The following RAB3GAP2 variants were observed in gnomAD, a reference collection of about 807,000 sequenced individuals.
The protein encoded by RAB3GAP2 is RAB3 GTPase activating non-catalytic protein subunit 2.
Under a neutral mutation model 185.3 loss-of-function variants are expected in RAB3GAP2, and 87 were observed. The ratio of observed to expected loss-of-function variants is 0.47; its 90% CI spans 0.39 to 0.56. The LOEUF is 0.56. RAB3GAP2 is among the 20% of genes least tolerant of loss of function. RAB3GAP2 has a pLI of 0.00. For synonymous variants in RAB3GAP2, 554 were observed against 576.1 expected, an observed-to-expected ratio of 0.96 and a Z score of 0.55; for missense variants, 1,492 against 1,638.2, an observed-to-expected ratio of 0.91 and a Z score of 1.54.
chr1:220,215,337 T>C (rs1216306719), intron 2 of RAB3GAP2, among the ~76,000 whole-genome samples: 1 of 152,184 alleles, frequency 6.6e-6, no homozygotes, highest in African/African-American at 2.4e-5. Context: ...TCAGCAATTT[T>C]TGAAAGTGCT....
At chr1:220,161,477 C>T (rs1287970759) in intron 28 of RAB3GAP2, among the ~76,000 whole-genome samples, 3 of 152,168 alleles carry the variant, frequency 2.0e-5, no homozygotes, top group Admixed American at 6.5e-5. Flanking sequence ...CTGGTACTGT[C>T]GGCATGCTAG....
intron 8 of RAB3GAP2, 115 bp downstream of exon 8, chr1:220,205,792 T>C (rs1356100946): frequency 6.4e-6 from 5 of 786,590 alleles, no homozygotes; most frequent in African/African-American, 5.3e-5. Flanking sequence ...GTTTTTCCCA[T>C]AAATCTAGTT....
At chr1:220,264,649 A>T (rs1660198536) in intron 1 of RAB3GAP2, among the ~76,000 whole-genome samples, 1 of 152,086 alleles carries the variant, frequency 6.6e-6, no homozygotes, top group Non-Finnish European at 1.5e-5. Context: ...TCACCTCTGA[A>T]CACATCCCAC....
intron 1 of RAB3GAP2, among the ~76,000 whole-genome samples, chr1:220,235,310 T>C (rs1248182923): frequency 1.3e-5 from 2 of 152,172 alleles, no homozygotes; most frequent in African/African-American, 2.4e-5. Context: ...AATTTTTCCA[T>C]TGCACCAGAA....
At chr1:220,223,854 C>CA (rs1224958187) in intron 2 of RAB3GAP2, among the ~76,000 whole-genome samples, 1 of 150,396 alleles carries the variant, frequency 6.6e-6, no homozygotes, top group Non-Finnish European at 1.5e-5. Context: ...CAATTTCTGT[C>CA]AAAATGTAAA....
At chr1:220,188,670 T>A (rs1658550878) in intron 17 of RAB3GAP2, among the ~76,000 whole-genome samples, 1 of 152,186 alleles carries the variant, frequency 6.6e-6, no homozygotes, top group South Asian at 2.1e-4. Context: ...GCTCACACCC[T>A]AGCAATTCCA....
At position 220,195,335 on chromosome 1, in the gene RAB3GAP2, C is replaced by A; in HGVS notation, c.1003G>T (p.Ala335Ser). ...PLLSHVALAV[A>S]SKLTSALFNA... is the part of the protein sequence containing the mutation. ...AATAAAGCAGAAGTGAGTTTACTTG[C>A]AACTGCTAGTGCAACATGGGATAAT... Residue 335 changes from alanine (A) to serine (S), a missense_variant, in exon 11 of 35, where the codon GCA becomes TCA. This residue lies in a region of RAB3GAP2 where 243 missense variants were observed against 314.8 expected (regional missense o/e 0.77). Coordinates refer to ENST00000358951, the MANE Select transcript of RAB3GAP2 (RefSeq NM_012414.4). 6.2e-7 allele frequency: 1 copy of A among 1,613,270 alleles called. No homozygotes were observed. Among genetic ancestry groups the A allele is most frequent in the Non-Finnish European group, 8.5e-7 (1 of 1,179,264 alleles).
In RAB3GAP2 at chr1:220,170,894, T is replaced by A. The variant is rs755236788; in HGVS notation, c.2804A>T (p.Lys935Ile). Residue 935 changes from lysine to isoleucine, a missense_variant and splice_region_variant, in exon 24 of 35, where the codon AAA (lysine) becomes ATA (isoleucine). This residue lies in a region of RAB3GAP2 where 681 missense variants were observed against 689.1 expected (regional missense o/e 0.99). Coordinates refer to ENST00000358951, the MANE Select transcript of RAB3GAP2 (RefSeq NM_012414.4). ...TGCTCAAATAAACTTCAGCTTACCT[T>A]TTCCTCCTTCTAATAACTTTTTAAC... ...LSVKKLLEGG[K>I]GGIADSVAKW... The A allele has an allele frequency of 6.2e-7, 1 of 1,611,430 alleles. No individual in the cohort carries two copies. Among genetic ancestry groups the A allele is most frequent in the South Asian group, 1.1e-5 (1 of 91,016 alleles).
chr1:220,235,796 C>A (rs761569397), intron 1 of RAB3GAP2, among the ~76,000 whole-genome samples: 4 of 152,126 alleles, frequency 2.6e-5, no homozygotes, highest in East Asian at 1.9e-4. Context: ...CCTGCAGAGA[C>A]CCAGTATCTC....
chr1:220,153,140 A>T (rs771919095), intron 33 of RAB3GAP2, 45 bp downstream of exon 33: 1 of 1,444,634 alleles, frequency 6.9e-7, no homozygotes, highest in African/African-American at 1.4e-5. Context: ...CCAACTATCA[A>T]TTTTATAACT....
intron 1 of RAB3GAP2, among the ~76,000 whole-genome samples, chr1:220,250,683 C>A (rs1286332561): frequency 6.6e-6 from 1 of 152,044 alleles, no homozygotes; most frequent in Non-Finnish European, 1.5e-5. Flanking sequence ...GTGGGAGGGA[C>A]CTGGTGGTAG....
chr1:220,258,294 T>C (rs1660071515), intron 1 of RAB3GAP2, among the ~76,000 whole-genome samples: 1 of 152,140 alleles, frequency 6.6e-6, no homozygotes, highest in African/African-American at 2.4e-5. Flanking sequence ...GAAAAAAACT[T>C]CAGGCCAATA....
At chr1:220,239,951 A>G (rs1015177946) in intron 1 of RAB3GAP2, among the ~76,000 whole-genome samples, 1 of 151,398 alleles carries the variant, frequency 6.6e-6, no homozygotes, top group Non-Finnish European at 1.5e-5. Flanking sequence ...TATAAAAGCC[A>G]TTGAGTTCCC....
chr1:220,170,976 T>A lies in RAB3GAP2; in HGVS notation c.2722A>T (p.Asn908Tyr). The A allele has an allele frequency of 6.2e-7, 1 of 1,614,176 alleles. No individual in the cohort carries two copies. The highest frequency in any genetic ancestry group is 8.5e-7 in the Non-Finnish European group (1 of 1,180,010). The change falls in exon 24 of 35, where the codon AAC becomes TAC. Residue 908 changes from asparagine (N) to tyrosine (Y), a missense_variant. Asn to Tyr is a moderately radical substitution (Grantham distance 143). Around this residue, in one of 5 missense-constraint regions of RAB3GAP2, gnomAD observed 681 missense variants for 689.1 expected, o/e 0.99. Transcript: ENST00000358951. ...GATGACACTTTGGAGGTCTGAGTGT[T>A]CCCTTTGCTGTGAAGCAGAGTCTGA... is the stretch of plus-strand genomic sequence containing the variant. ...ILQTLLHSKG[N>Y]TQTSKVSSLQ...
chr1:220,154,871 C>G (rs1657828799), intron 31 of RAB3GAP2, among the ~76,000 whole-genome samples: 1 of 152,036 alleles, frequency 6.6e-6, no homozygotes, highest in Non-Finnish European at 1.5e-5. Context: ...CAGGCGTGTA[C>G]TACCACGCCA....
intron 1 of RAB3GAP2, among the ~76,000 whole-genome samples, chr1:220,246,474 T>C (rs1383938896): frequency 7.8e-6 from 1 of 127,570 alleles, no homozygotes; most frequent in African/African-American, 3.2e-5. Context: ...TGCACACGTA[T>C]GTTTATTGTG....
intron 1 of RAB3GAP2, among the ~76,000 whole-genome samples, chr1:220,233,391 T>C (rs935587616): frequency 1.3e-5 from 2 of 152,230 alleles, no homozygotes; most frequent in South Asian, 2.1e-4. Flanking sequence ...ATTTCTTATA[T>C]GTTGGATCGT....
Position 220,210,678 on chromosome 1 carries a change from C to G in RAB3GAP2, c.510+123G>C, listed in dbSNP as rs1370000058. Reference sequence around the variant, plus strand: ...CCACGGCCTATCCCGGCCTCTACCCCCATAAAGAATCAACTACACATTTTC... The same window carrying G: ...CCACGGCCTATCCCGGCCTCTACCCGCATAAAGAATCAACTACACATTTTC... On this transcript the variant is annotated intron_variant, in intron 6 of 34. Transcript: ENST00000358951. 6.2e-6 allele frequency: 7 copies of G among 1,135,504 alleles called. No homozygotes were observed. In the Admixed American group the frequency reaches 1.4e-4, roughly 22 times the overall value. 70.3% of individuals were successfully genotyped at this position (1,135,504 alleles called of 1,614,324 possible).
chr1:220,151,493 TC>T (rs2102848715), intron 34 of RAB3GAP2, 87 bp from the exon 35 acceptor site: 2 of 1,599,348 alleles, frequency 1.3e-6, no homozygotes, highest in East Asian at 4.5e-5. Flanking sequence ...AAAATGCTTT[TC>T]TTTGTAACTA....
Sources: gnomAD v4.1 joint callset for allele counts (sites outside exome capture counted in the v4.1 genomes callset) on GRCh38, gnomAD v4.1.1 for gene constraint, gnomAD v4.1.1 regional missense constraint, MANE v1.5 for transcripts, NCBI Gene and HGNC (gene_info 2026-07-23, HGNC 2026-07-21) for gene names.